CAD: variants seen among roughly 807,000 people sequenced by gnomAD.
The protein encoded by CAD is carbamoyl-phosphate synthetase 2, aspartate transcarbamylase, and dihydroorotase.
CAD carries 81 observed loss-of-function variants against 237.2 expected under a neutral mutation model. The observed-to-expected ratio is 0.34, with a 90% CI of 0.29 to 0.41. CAD has a LOEUF of 0.41. CAD is among the 10% of genes least tolerant of loss of function. CAD has a pLI of 1.00. For missense variants in CAD, 2,181 were observed against 2,951.7 expected (o/e 0.74, Z 6.05); for synonymous variants, 1,196 against 1,162.8 (o/e 1.03, Z -0.58).
intron 2 of CAD, among the ~76,000 whole-genome samples, chr2:27,220,211 A>G (rs1558526203): frequency 6.6e-6 from 1 of 152,164 alleles, no homozygotes; most frequent in Non-Finnish European, 1.5e-5. Flanking sequence ...CGTGACAAAG[A>G]CACAAATACA....
chr2:27,242,382 C>T lies in CAD; in HGVS notation c.6177C>T (p.Asp2059=). ...VGEHPTQALL[D]IFTIREELGT... is the part of the protein sequence containing the mutation. ...AGCACCCCACCCAGGCCCTGCTGGA[C>T]ATCTTCACCATCCGTGAGGAGCTGG... Residue 2059 remains aspartate (D), a synonymous_variant, in exon 40 of 44, where the codon GAC becomes GAT. Coordinates refer to ENST00000264705, the MANE Select transcript of CAD (RefSeq NM_004341.5). The surrounding 1 kb of genome is among the most constrained non-coding windows in gnomAD (Gnocchi z 6.4). 6.2e-7 allele frequency: 1 copy of T among 1,614,084 alleles called. No homozygotes were observed.
At position 27,242,260 on chromosome 2, in the gene CAD, G is replaced by C; in HGVS notation, c.6097-42G>C. 2 of 1,587,620 alleles carry C rather than the reference G, an allele frequency of 1.3e-6. No individual in the cohort carries two copies. The highest frequency in any genetic ancestry group is 1.7e-6 in the Non-Finnish European group (2 of 1,163,548). Reference sequence around the variant, plus strand: ...GAAGAGGGGGACTGGCAGTTGGGGGGCCTCTGAGCTGCAAAAGACAGGATT... The same window carrying C: ...GAAGAGGGGGACTGGCAGTTGGGGGCCCTCTGAGCTGCAAAAGACAGGATT... On this transcript the variant is annotated intron_variant, in intron 39 of 43. Coordinates refer to ENST00000264705, the MANE Select transcript of CAD (RefSeq NM_004341.5). This position sits in a 1 kb window ranked among gnomAD's most constrained non-coding sequence, Gnocchi z 6.4.
In CAD at chr2:27,233,058, T is replaced by G; in HGVS notation, c.2909T>G (p.Ile970Ser). The change falls in exon 19 of 44, where the codon ATC (isoleucine) becomes AGC (serine). Residue 970 changes from isoleucine to serine, a missense_variant. Coordinates refer to ENST00000264705, the MANE Select transcript of CAD (RefSeq NM_004341.5). This position sits in a 1 kb window ranked among gnomAD's most constrained non-coding sequence, Gnocchi z 6.3. ...CTCTTGCAGATGGGATATAAGACCATCATGGTGAACTATAACCCAGAGACA... is the reference window on the plus strand; with the variant it reads ...CTCTTGCAGATGGGATATAAGACCAGCATGGTGAACTATAACCCAGAGACA... ...QQLRKMGYKTIMVNYNPETVS... is the reference protein window; with the variant it reads ...QQLRKMGYKTSMVNYNPETVS... 1 of 1,611,256 alleles carries G rather than the reference T, an allele frequency of 6.2e-7. No homozygotes were observed. The highest frequency in any genetic ancestry group is 8.5e-7 in the Non-Finnish European group (1 of 1,177,408).
In CAD at chr2:27,223,983, G is replaced by A; in HGVS notation, c.1062G>A (p.Leu354=). The A allele has an allele frequency of 6.2e-7, 1 of 1,614,062 alleles. No individual in the cohort carries two copies. The highest frequency in any genetic ancestry group is 8.5e-7 in the Non-Finnish European group (1 of 1,179,930). Residue 354 remains leucine (L), a synonymous_variant, in exon 8 of 44, where the codon CTG becomes CTA. Coordinates refer to ENST00000264705, the MANE Select transcript of CAD (RefSeq NM_004341.5). ...SDMELLFDIF[L]ETVKEATAGN... ...TGGAACTGCTTTTCGATATCTTTCT[G>A]GAAACTGTGAAAGAGGCCACAGCTG... is the stretch of plus-strand genomic sequence containing the variant.
rs1278368204 is a variant in CAD at position 27,242,656 on chromosome 2, G to A, written c.6259G>A (p.Val2087Ile). The A allele has an allele frequency of 6.2e-7, 1 of 1,612,452 alleles. No individual in the cohort carries two copies. The highest frequency in any genetic ancestry group is 8.5e-7 in the Non-Finnish European group (1 of 1,178,984). The change falls in exon 41 of 44, where the codon GTA becomes ATA. Residue 2087 changes from valine to isoleucine, a missense_variant. Physicochemically the swap from Val to Ile is conservative, Grantham distance 29. Around this residue, in one of 12 missense-constraint regions of CAD, gnomAD observed 170 missense variants for 212.1 expected, o/e 0.80. Coordinates refer to ENST00000264705, the MANE Select transcript of CAD (RefSeq NM_004341.5). This position sits in a 1 kb window ranked among gnomAD's most constrained non-coding sequence, Gnocchi z 6.4. ...GGGTGACCTGAAGCACGGACGCACA[G>A]TACATTCCCTGGCCTGCCTGCTCAC... is the stretch of plus-strand genomic sequence containing the variant. ...MVGDLKHGRT[V>I]HSLACLLTQY...
At chr2:27,238,812 A>C (rs984292948) in intron 31 of CAD, among the ~76,000 whole-genome samples, 180 bp downstream of exon 31, 2 of 152,210 alleles carry the variant, frequency 1.3e-5, no homozygotes, top group African/African-American at 4.8e-5. Context: ...TTGTTGAAAG[A>C]ATGAATGAGC....
chr2:27,226,517 C>T lies in CAD; in HGVS notation c.2032-8C>T, dbSNP rs202191629. 69 of 1,613,942 alleles carry T rather than the reference C, an allele frequency of 4.3e-5. No individual in the cohort carries two copies. The African/African-American group carries it at 8.5e-4, about 20-fold the overall frequency. The stretch of plus-strand genomic sequence containing the variant: ...CTAGGCCAGTGACTTTATTCTCCTT[C>T]TTTGCAGTATTACATCATTGAAGTG... On this transcript the variant is annotated splice_polypyrimidine_tract_variant and splice_region_variant and intron_variant, in intron 13 of 43. Coordinates refer to ENST00000264705, the MANE Select transcript of CAD (RefSeq NM_004341.5).
In CAD at chr2:27,241,245, G is replaced by T; in HGVS notation, c.5808+18G>T. ...AGGATCAGGTGCCTGGGGCAGGGAG[G>T]ATGGGACCACCCAGAGCTTTGAGGA... On this transcript the variant is annotated intron_variant, in intron 37 of 43. Coordinates refer to ENST00000264705, the MANE Select transcript of CAD (RefSeq NM_004341.5). The surrounding 1 kb of genome is among the most constrained non-coding windows in gnomAD (Gnocchi z 4.6). 2 of 1,612,772 alleles carry T rather than the reference G, an allele frequency of 1.2e-6. No homozygotes were observed. The highest frequency in any genetic ancestry group is 1.7e-6 in the Non-Finnish European group (2 of 1,179,278).
At chr2:27,223,490 TG>T in intron 6 of CAD, 72 bp from the exon 7 acceptor site, 5 of 1,313,824 alleles carry the variant, frequency 3.8e-6, no homozygotes, top group Non-Finnish European at 5.3e-6. Context: ...AGGAGATCGG[TG>T]AGAGCTGGGG....
chr2:27,221,438 C>A, intron 3 of CAD, 91 bp downstream of exon 3: 2 of 1,166,494 alleles, frequency 1.7e-6, no homozygotes, highest in Non-Finnish European at 2.2e-6. Context: ...GGACCTGACT[C>A]TAAGATTGTG....
Position 27,238,118 on chromosome 2 carries a change from T to A in CAD, c.4791T>A (p.Ala1597=), listed in dbSNP as rs2148088781. ...CTCACGCAGAGCAGCAAACCGTGGC[T>A]GCTGTCCTCATGGTGGCTCAGCTCA... ...IVAHAEQQTV[A]AVLMVAQLTQ... Residue 1597 remains alanine, a synonymous_variant, in exon 30 of 44, where the codon GCT becomes GCA. Transcript: ENST00000264705. The A allele has an allele frequency of 1.2e-6, 2 of 1,614,214 alleles. No homozygotes were observed. Among genetic ancestry groups the A allele is most frequent in the Non-Finnish European group, 1.7e-6 (2 of 1,180,030 alleles).
chr2:27,243,580 T>C lies in CAD; in HGVS notation c.*62T>C. 39 of 1,204,572 alleles carry C rather than the reference T, an allele frequency of 3.2e-5. No homozygotes were observed. The highest frequency in any genetic ancestry group is 4.3e-5 in the Non-Finnish European group (36 of 833,446). The allele number at this position is 1,204,572 out of a possible 1,614,324, so 74.6% of individuals were successfully genotyped here. A position where few individuals can be genotyped will look rare whatever the true frequency, so the allele number is the denominator to read the frequency against. ...CTGCTGGGCAAGGAATTCCAGTGCC[T>C]CCTACGGGGGCAGCACACTTAGATA... On this transcript the variant is annotated 3_prime_UTR_variant, in exon 44 of 44. Transcript: ENST00000264705.
Position 27,232,202 on chromosome 2 carries a change from CA to C in CAD, c.2624del (p.Gln875ArgfsTer7). ...QAKCLGFSDK[Q>X]IALAVLSTEL... The stretch of plus-strand genomic sequence containing the variant: ...CAAGTGTCTTGGCTTCTCAGACAAA[CA>C]GATTGCCCTTGCAGTTCTGAGGTCA... On this transcript the variant is annotated frameshift_variant, in exon 17 of 44. Coordinates refer to ENST00000264705, the MANE Select transcript of CAD (RefSeq NM_004341.5). LOFTEE classifies it high-confidence loss of function. This position sits in a 1 kb window ranked among gnomAD's most constrained non-coding sequence, Gnocchi z 4.1. 1 of 1,614,190 alleles carries C rather than the reference CA, an allele frequency of 6.2e-7. No individual in the cohort carries two copies. Among genetic ancestry groups the C allele is most frequent in the Non-Finnish European group, 8.5e-7 (1 of 1,180,048 alleles).
rs1676053027 is a variant in CAD, at chr2:27,237,127, G to A, written c.4397-252G>A. On this transcript the variant is annotated intron_variant, in intron 27 of 43. Coordinates refer to ENST00000264705, the MANE Select transcript of CAD (RefSeq NM_004341.5). This position sits in a 1 kb window ranked among gnomAD's most constrained non-coding sequence, Gnocchi z 4.0. ...CAACCTCCGCCTCCCAGGTTCAAGC[G>A]ATTTTCCTGCCTCAGCCTCCCAAGT... 1.3e-5 allele frequency among the ~76,000 whole-genome samples: 2 copies of A among 150,974 alleles called. No individual in the cohort carries two copies. Among genetic ancestry groups the A allele is most frequent in the Admixed American group, 6.6e-5 (1 of 15,134 alleles).
rs529353801 is a variant in CAD at position 27,233,206 on chromosome 2, T to C, written c.2991+66T>C. On this transcript the variant is annotated intron_variant, in intron 19 of 43. Transcript: ENST00000264705. This position sits in a 1 kb window ranked among gnomAD's most constrained non-coding sequence, Gnocchi z 6.3. ...GGTCGAGTAGAACAGCTGGCTGACCTAAGATTCTTTGAAACTTGGTGGCGG... is the reference window on the plus strand; with the variant it reads ...GGTCGAGTAGAACAGCTGGCTGACCCAAGATTCTTTGAAACTTGGTGGCGG... The C allele has an allele frequency of 2.0e-6, 3 of 1,511,238 alleles. No homozygotes were observed. The African/African-American group carries it at 4.1e-5, about 21-fold the overall frequency. 93.6% of individuals were successfully genotyped at this position (1,511,238 alleles called of 1,614,324 possible).
chr2:27,219,622 T>C lies in CAD; in HGVS notation c.223-1596T>C, dbSNP rs116389888. On this transcript the variant is annotated intron_variant, in intron 2 of 43. Coordinates refer to ENST00000264705, the MANE Select transcript of CAD (RefSeq NM_004341.5). ...TATTTTGCTTTGAGGTAGAGTTTCT[T>C]TCTTGTTGCTCAGGTTGGAGTGCAA... Among the ~76,000 whole-genome samples, 586 of 152,230 alleles carry C rather than the reference T, an allele frequency of 3.8e-3. 2 individuals are homozygous for C. Among genetic ancestry groups the C allele is most frequent in the African/African-American group, 0.014 (570 of 41,538 alleles).
chr2:27,224,138 G>C lies in CAD; in HGVS notation c.1108+109G>C, dbSNP rs963763293. 3.2e-6 allele frequency: 3 copies of C among 948,942 alleles called. No homozygotes were observed. The African/African-American group carries it at 4.9e-5, about 15-fold the overall frequency. 58.8% of individuals were successfully genotyped at this position (948,942 alleles called of 1,614,324 possible). A position where few individuals can be genotyped will look rare whatever the true frequency, so the allele number is the denominator to read the frequency against. On this transcript the variant is annotated intron_variant, in intron 8 of 43. Coordinates refer to ENST00000264705, the MANE Select transcript of CAD (RefSeq NM_004341.5). The stretch of plus-strand genomic sequence containing the variant: ...ACTCCTAGATGTCTAGGAGGTTAAG[G>C]GTATTGGGGATGGGTGGCAACCAAC...
chr2:27,240,892 C>A lies in CAD; in HGVS notation c.5594-19C>A. 6.2e-7 allele frequency: 1 copy of A among 1,613,768 alleles called. No individual in the cohort carries two copies. The highest frequency in any genetic ancestry group is 8.5e-7 in the Non-Finnish European group (1 of 1,179,686). ...ACCTCAGCCATAAATGTATATCTGT[C>A]CTCTTGTCCTGTTTGCAGCTGAGGA... On this transcript the variant is annotated intron_variant, in intron 35 of 43. Transcript: ENST00000264705. This position sits in a 1 kb window ranked among gnomAD's most constrained non-coding sequence, Gnocchi z 4.6.
chr2:27,226,337 G>A lies in CAD; in HGVS notation c.2031+18G>A, dbSNP rs773681876. 1 of 1,611,174 alleles carries A rather than the reference G, an allele frequency of 6.2e-7. No homozygotes were observed. Among genetic ancestry groups the A allele is most frequent in the Non-Finnish European group, 8.5e-7 (1 of 1,177,552 alleles). ...CTGAGCAGGTAAGCTCTAGGCCCTG[G>A]AACTGATAGTCTAGTTGTTACCCCC... On this transcript the variant is annotated intron_variant, in intron 13 of 43. Transcript: ENST00000264705.
Sources: gnomAD v4.1 joint callset for allele counts (sites outside exome capture counted in the v4.1 genomes callset) on GRCh38, gnomAD v4.1.1 for gene constraint, gnomAD v4.1.1 regional missense constraint, Gnocchi (gnomAD v3.1) non-coding constraint, MANE v1.5 for transcripts, NCBI Gene and HGNC (gene_info 2026-07-23, HGNC 2026-07-21) for gene names.